Variants in PCDHA11 observed in about 807,000 individuals in gnomAD.
PCDHA11 encodes protocadherin alpha-11.
In PCDHA11, 61 loss-of-function variants were observed where a neutral mutation model predicts 70.3. The observed-to-expected ratio is 0.87, with a 90% CI of 0.71 to 1.07. The LOEUF is 1.07. PCDHA11 is among the 50% of genes least tolerant of loss of function. The pLI is 0.00. For synonymous variants in PCDHA11, 633 were observed against 555.1 expected (o/e 1.14, Z -1.97); for missense variants, 1,324 against 1,237.5 (o/e 1.07, Z -1.05).
intron 1 of PCDHA11, among the ~76,000 whole-genome samples, chr5:140,944,925 A>T (rs1457519692): frequency 6.6e-6 from 1 of 152,158 alleles, no homozygotes; most frequent in African/African-American, 2.4e-5. Flanking sequence ...ATATTGGTTT[A>T]TGCCTTCTTT....
At chr5:140,884,400 T>C (rs2060147472) in intron 1 of PCDHA11, 1 of 1,613,972 alleles carries the variant, frequency 6.2e-7, no homozygotes, top group Non-Finnish European at 8.5e-7. Context: ...TCCAGCCTGT[T>C]GGTGCTCACG....
intron 1 of PCDHA11, among the ~76,000 whole-genome samples, chr5:140,895,220 A>C (rs1044682871): frequency 6.6e-6 from 1 of 152,158 alleles, no homozygotes; most frequent in Non-Finnish European, 1.5e-5. Context: ...CTAATATTTT[A>C]CTGAGTTTTC....
At position 140,869,708 on chromosome 5, in the gene PCDHA11, G is replaced by C; in HGVS notation, c.605G>C (p.Arg202Thr). 15 of 1,613,408 alleles carry C rather than the reference G, an allele frequency of 9.3e-6. No homozygotes were observed. Among genetic ancestry groups the C allele is most frequent in the Non-Finnish European group, 1.3e-5 (15 of 1,179,882 alleles). Residue 202 changes from arginine (R) to threonine (T), a missense_variant, in exon 1 of 4, where the codon AGA (arginine) becomes ACA (threonine). Coordinates refer to ENST00000398640, the MANE Select transcript of PCDHA11 (RefSeq NM_018902.5). ...CTTATTTTAAAGAAGTCTCTGGATA[G>C]AGAGAAAACTCCGGAACTTAATTTG... ...LSLILKKSLD[R>T]EKTPELNLLL...
intron 1 of PCDHA11, among the ~76,000 whole-genome samples, chr5:140,914,730 C>T (rs2076816445): frequency 6.6e-6 from 1 of 151,438 alleles, no homozygotes; most frequent in Non-Finnish European, 1.5e-5. Context: ...TTTTGTGTAT[C>T]CATTGTATGT....
intron 1 of PCDHA11, among the ~76,000 whole-genome samples, chr5:140,898,159 G>A (rs377677002): frequency 1.3e-5 from 2 of 151,916 alleles, no homozygotes; most frequent in South Asian, 2.1e-4. Context: ...CGCTGATGGT[G>A]GTTTCTTTTG....
chr5:140,963,600 G>T (rs111244023), intron 1 of PCDHA11, among the ~76,000 whole-genome samples: 1 of 152,180 alleles, frequency 6.6e-6, no homozygotes, highest in Non-Finnish European at 1.5e-5. Context: ...AGTTCTAGAC[G>T]TAATTGGGAA....
chr5:141,000,417 ATATATTTTTT>A (rs2097924181), intron 3 of PCDHA11, among the ~76,000 whole-genome samples: 1 of 77,748 alleles, frequency 1.3e-5, no homozygotes, highest in Non-Finnish European at 2.3e-5. Context: ...ATATATATAT[ATATATTTTTT>A]TTTTTTTTTT....
chr5:140,975,202 T>G (rs143285430), intron 1 of PCDHA11, among the ~76,000 whole-genome samples: 4 of 152,352 alleles, frequency 2.6e-5, no homozygotes, highest in African/African-American at 7.2e-5. Flanking sequence ...TCCATCTTCA[T>G]GGCTGGCACT....
chr5:140,954,996 A>G (rs879953600), intron 1 of PCDHA11, among the ~76,000 whole-genome samples: 16 of 152,214 alleles, frequency 1.1e-4, no homozygotes, highest in Non-Finnish European at 1.6e-4. Flanking sequence ...GCATATGGCT[A>G]GCCAATTCTC....
At chr5:140,916,379 C>G (rs180755548) in intron 1 of PCDHA11, among the ~76,000 whole-genome samples, 2 of 152,302 alleles carry the variant, frequency 1.3e-5, no homozygotes, top group Admixed American at 6.5e-5. Context: ...GTAGCCACCA[C>G]AACTAGGAAT....
At chr5:140,948,865 C>T (rs1358865868) in intron 1 of PCDHA11, among the ~76,000 whole-genome samples, 4 of 151,324 alleles carry the variant, frequency 2.6e-5, no homozygotes, top group African/African-American at 4.8e-5. Flanking sequence ...TATATTACTT[C>T]GGGTTTACTT....
chr5:140,966,982 G>C, intron 1 of PCDHA11: 1 of 1,603,506 alleles, frequency 6.2e-7, no homozygotes, highest in Non-Finnish European at 8.5e-7. Flanking sequence ...TGCGGCGCTT[G>C]GGGCCGGGTT....
In PCDHA11 at chr5:141,012,190, T is replaced by C. The variant is rs1002658582; in HGVS notation, c.*2253T>C. On this transcript the variant is annotated 3_prime_UTR_variant, in exon 4 of 4. Transcript: ENST00000398640. ...TTAATGATGATAATTATAATGTATCTGTACAGCACTTTTTACATTTGCGAA... is the reference window on the plus strand; with the variant it reads ...TTAATGATGATAATTATAATGTATCCGTACAGCACTTTTTACATTTGCGAA... The C allele has an allele frequency of 2.0e-5, 3 of 153,780 alleles. No homozygotes were observed. Among genetic ancestry groups the C allele is most frequent in the African/African-American group, 7.2e-5 (3 of 41,458 alleles). 9.5% of individuals were successfully genotyped at this position (153,780 alleles called of 1,614,324 possible).
intron 1 of PCDHA11, chr5:140,927,716 G>A (rs782756674): frequency 2.5e-6 from 4 of 1,614,072 alleles, no homozygotes; most frequent in Non-Finnish European, 3.4e-6. Context: ...CTAAGCAACA[G>A]CACGCAAGCA....
chr5:140,952,977 C>T (rs148504111), intron 1 of PCDHA11, among the ~76,000 whole-genome samples: 2 of 152,182 alleles, frequency 1.3e-5, no homozygotes, highest in East Asian at 3.9e-4. Context: ...TTTTAAACAA[C>T]AAGATCTCAT....
chr5:140,943,581 G>A (rs1022140100), intron 1 of PCDHA11, among the ~76,000 whole-genome samples: 1 of 152,168 alleles, frequency 6.6e-6, no homozygotes, highest in Non-Finnish European at 1.5e-5. Flanking sequence ...GTTGATCTGA[G>A]TGGGGCTGAA....
intron 1 of PCDHA11, among the ~76,000 whole-genome samples, chr5:140,886,721 G>A (rs2061104522): frequency 6.6e-6 from 1 of 151,592 alleles, no homozygotes; most frequent in Non-Finnish European, 1.5e-5. Context: ...AGCTACTTGG[G>A]AGGCTGAAGC....
At chr5:140,993,225 T>C (rs1036685362) in intron 3 of PCDHA11, among the ~76,000 whole-genome samples, 2 of 152,206 alleles carry the variant, frequency 1.3e-5, no homozygotes, top group Admixed American at 6.5e-5. Context: ...TTTTGGTATG[T>C]TCTCTCTGAA....
At chr5:140,900,559 G>T (rs542075943) in intron 1 of PCDHA11, among the ~76,000 whole-genome samples, 1 of 152,196 alleles carries the variant, frequency 6.6e-6, no homozygotes, top group Admixed American at 6.5e-5. Context: ...TTACAGGCGT[G>T]AGCCACGGCA....
Sources: gnomAD v4.1 joint callset for allele counts (sites outside exome capture counted in the v4.1 genomes callset) on GRCh38, gnomAD v4.1.1 for gene constraint, MANE v1.5 for transcripts, NCBI Gene and HGNC (gene_info 2026-07-23, HGNC 2026-07-21) for gene names.